The following BAIAP2L2 variants were observed in gnomAD, a reference collection of about 807,000 sequenced individuals.
BAIAP2L2 encodes BAR/IMD domain containing adaptor protein 2 like 2, also known as BAR/IMD domain-containing adapter protein 2-like 2.
Under a neutral mutation model 60.4 loss-of-function variants are expected in BAIAP2L2, and 65 were observed. The ratio of observed to expected loss-of-function variants is 1.08; its 90% CI spans 0.88 to 1.32. The LOEUF (loss-of-function observed/expected upper bound fraction) is 1.32. Ranked by LOEUF, BAIAP2L2 falls within the 40% of genes most tolerant of loss-of-function variation. BAIAP2L2 has a pLI of 0.00. For synonymous variants in BAIAP2L2, 344 were observed against 301.7 expected (o/e 1.14, Z -1.45); for missense variants, 836 against 741.2 (o/e 1.13, Z -1.48).
chr22:38,085,629 G>A, intron 13 of BAIAP2L2, 57 bp downstream of exon 13: 1 of 1,566,698 alleles, frequency 6.4e-7, no homozygotes. Context: ...GACTACAAGT[G>A]TGTGCCGCCG....
rs761059410 is a variant in BAIAP2L2 at position 38,085,343 on chromosome 22, C to T, written c.1547G>A (p.Arg516His). 50 of 1,613,874 alleles carry T rather than the reference C, an allele frequency of 3.1e-5. No individual in the cohort carries two copies. Among genetic ancestry groups the T allele is most frequent in the Non-Finnish European group, 3.1e-5 (36 of 1,179,972 alleles). Residue 516 changes from arginine to histidine, a missense_variant, in exon 14 of 14, where the codon CGT (arginine) becomes CAT (histidine). Arg to His is a conservative substitution (Grantham distance 29). Transcript: ENST00000381669. ...GTNPFATVKLRPTITNDRSAP... is the reference protein window; with the variant it reads ...GTNPFATVKLHPTITNDRSAP... ...TGAGCGGTCATTGGTGATGGTGGGA[C>T]GAAGCTTGACAGTGGCAAAAGGATT...
chr22:38,106,750 T>C (rs1450731340), intron 4 of BAIAP2L2, among the ~76,000 whole-genome samples: 1 of 152,180 alleles, frequency 6.6e-6, no homozygotes, highest in Non-Finnish European at 1.5e-5. Flanking sequence ...CATGCCTGCC[T>C]GCTGCCCGCT....
intron 4 of BAIAP2L2, among the ~76,000 whole-genome samples, chr22:38,100,526 C>CAATA (rs56224721): frequency 7.4e-4 from 103 of 140,044 alleles, no homozygotes; most frequent in Admixed American, 1.4e-3. Flanking sequence ...AACTCCGTCT[C>CAATA]AATAAATAAA....
chr22:38,110,378 C>G, intron 1 of BAIAP2L2, 97 bp downstream of exon 1: 1 of 1,280,054 alleles, frequency 7.8e-7, no homozygotes, highest in Non-Finnish European at 1.1e-6. Flanking sequence ...TCCAGGACAT[C>G]TGTAGCCCCG....
chr22:38,094,583 G>A (rs557351877), intron 7 of BAIAP2L2, among the ~76,000 whole-genome samples: 4 of 152,318 alleles, frequency 2.6e-5, no homozygotes, highest in South Asian at 2.1e-4. Flanking sequence ...AAACCAGAAA[G>A]TGTACACTGT....
intron 7 of BAIAP2L2, 68 bp from the exon 8 acceptor site, chr22:38,089,742 G>T: frequency 5.0e-6 from 6 of 1,208,322 alleles, no homozygotes; most frequent in Non-Finnish European, 6.2e-6. Flanking sequence ...GACCCAAAAT[G>T]ACACCCTCGA....
intron 4 of BAIAP2L2, among the ~76,000 whole-genome samples, chr22:38,103,925 G>GT (rs1260262832): frequency 1.3e-5 from 2 of 150,906 alleles, no homozygotes; most frequent in Non-Finnish European, 2.9e-5. Flanking sequence ...TTCAGTAAAC[G>GT]TAATAATTGC....
intron 7 of BAIAP2L2, among the ~76,000 whole-genome samples, chr22:38,095,616 C>T (rs1462607975): frequency 6.6e-6 from 1 of 152,166 alleles, no homozygotes; most frequent in Non-Finnish European, 1.5e-5. Flanking sequence ...CCACCCACCT[C>T]GCGCTCCCAA....
At chr22:38,085,473 C>T in intron 13 of BAIAP2L2, 98 bp from the exon 14 acceptor site, 1 of 1,392,552 alleles carries the variant, frequency 7.2e-7, no homozygotes, top group Non-Finnish European at 1.0e-6. Context: ...GGTCCTGCCT[C>T]CTGCCCCTAT....
chr22:38,087,621 CCTATCGTTGGCGTT>C (rs2086134375), intron 10 of BAIAP2L2, among the ~76,000 whole-genome samples: 1 of 152,006 alleles, frequency 6.6e-6, no homozygotes, highest in South Asian at 2.1e-4. Flanking sequence ...AGCAGGTGTC[CCTATCGTTGGCGTT>C]CTCAGTCATC....
At position 38,088,747 on chromosome 22, in the gene BAIAP2L2, C is replaced by G. The variant is rs780915187; in HGVS notation, c.1118+1G>C. ...CCGGCCCCTCCAAGGCTCCCACTCA[C>G]GCGGACGAGCCCTCCAGCTTGCCGT... On this transcript the variant is annotated splice_donor_variant, in intron 10 of 13. Coordinates refer to ENST00000381669, the MANE Select transcript of BAIAP2L2 (RefSeq NM_025045.6). LOFTEE classifies it high-confidence loss of function. 12 of 1,595,312 alleles carry G rather than the reference C, an allele frequency of 7.5e-6. No individual in the cohort carries two copies. The highest frequency in any genetic ancestry group is 1.7e-5 in the Admixed American group (1 of 59,496).
intron 4 of BAIAP2L2, among the ~76,000 whole-genome samples, chr22:38,100,360 T>C (rs1182720079): frequency 1.3e-5 from 2 of 151,722 alleles, no homozygotes; most frequent in Non-Finnish European, 2.9e-5. Flanking sequence ...ACCCCGTCTC[T>C]ACTAAAAATA....
intron 6 of BAIAP2L2, among the ~76,000 whole-genome samples, 180 bp downstream of exon 6, chr22:38,097,883 G>A (rs1193553995): frequency 6.6e-6 from 1 of 152,110 alleles, no homozygotes; most frequent in Non-Finnish European, 1.5e-5. Flanking sequence ...CGTGGCCCTA[G>A]GAGCTAGTTA....
intron 7 of BAIAP2L2, among the ~76,000 whole-genome samples, chr22:38,092,076 G>T (rs1185005373): frequency 6.6e-6 from 1 of 152,196 alleles, no homozygotes; most frequent in African/African-American, 2.4e-5. Flanking sequence ...ATATTCTTGG[G>T]CTTACCAATT....
chr22:38,088,854 C>A lies in BAIAP2L2; in HGVS notation c.1012G>T (p.Gly338Cys). The A allele has an allele frequency of 1.9e-6, 3 of 1,597,046 alleles. No homozygotes were observed. The highest frequency in any genetic ancestry group is 2.5e-6 in the Non-Finnish European group (3 of 1,178,760). ...RVRALVSHSE[G>C]ANHTLLRFSA... The stretch of plus-strand genomic sequence containing the variant: ...AAGCGCAGCAGCGTGTGGTTGGCGC[C>A]CTCCGAGTGGGAGACCAGGGCGCGG... Residue 338 changes from glycine to cysteine, a missense_variant, in exon 10 of 14, where the codon GGC becomes TGC. Transcript: ENST00000381669.
intron 10 of BAIAP2L2, among the ~76,000 whole-genome samples, chr22:38,087,691 G>A (rs1358702686): frequency 6.6e-6 from 1 of 151,398 alleles, no homozygotes; most frequent in African/African-American, 2.4e-5. Flanking sequence ...GTGGTCACCC[G>A]CCCAGCTATG....
At chr22:38,108,859 G>A (rs1348902770) in intron 2 of BAIAP2L2, among the ~76,000 whole-genome samples, 1 of 152,018 alleles carries the variant, frequency 6.6e-6, no homozygotes, top group African/African-American at 2.4e-5. Flanking sequence ...GTGTGGGCCT[G>A]CAGGGCCTGG....
chr22:38,102,906 C>T (rs1479706806), intron 4 of BAIAP2L2, among the ~76,000 whole-genome samples: 1 of 151,864 alleles, frequency 6.6e-6, no homozygotes, highest in East Asian at 1.9e-4. Flanking sequence ...ATTAGCCCGG[C>T]ATGGTGGCAG....
intron 6 of BAIAP2L2, among the ~76,000 whole-genome samples, 162 bp downstream of exon 6, chr22:38,097,901 C>G (rs552262026): frequency 6.6e-6 from 1 of 152,152 alleles, no homozygotes; most frequent in South Asian, 2.1e-4. Flanking sequence ...TTACGCCCAC[C>G]CCACCAGGGG....
Sources: allele counts gnomAD v4.1 joint callset (sites outside exome capture counted in the v4.1 genomes callset), GRCh38; gene constraint gnomAD v4.1.1; transcripts MANE v1.5; gene names NCBI Gene and HGNC (gene_info 2026-07-23, HGNC 2026-07-21).